The following SHTN1 variants were observed in gnomAD, a reference collection of about 807,000 sequenced individuals.
SHTN1 encodes the protein shootin 1, also known as shootin-1.
SHTN1 carries 42 observed loss-of-function variants against 83.1 expected under a neutral mutation model. That is an observed-to-expected ratio of 0.51 (90% CI 0.39 to 0.65). SHTN1 has a LOEUF of 0.65. Ranked by LOEUF, SHTN1 falls within the 30% of genes least tolerant of loss-of-function variation. SHTN1 has a pLI of 0.00. For synonymous variants in SHTN1, 224 were observed against 247.7 expected (o/e 0.90, Z 0.90); for missense variants, 622 against 737.8 (o/e 0.84, Z 1.82).
upstream of SHTN1, among the ~76,000 whole-genome samples, chr10:117,007,429 G>A (rs1010571369): frequency 6.6e-6 from 1 of 151,170 alleles, no homozygotes; most frequent in Non-Finnish European, 1.5e-5. Flanking sequence ...CAAACTTTTG[G>A]TTCCATACTA....
intron 10 of SHTN1, among the ~76,000 whole-genome samples, chr10:116,928,917 T>C (rs530360233): frequency 5.3e-5 from 8 of 152,344 alleles, no homozygotes; most frequent in African/African-American, 1.9e-4. Flanking sequence ...CATTCAGATT[T>C]GAACCTTATA....
intron 1 of SHTN1, among the ~76,000 whole-genome samples, chr10:117,082,262 C>T (rs1197570677): frequency 1.8e-5 from 2 of 113,052 alleles, no homozygotes; most frequent in East Asian, 5.2e-4. Context: ...TTTCAAAGAA[C>T]ATCTTTATTT....
In SHTN1 at chr10:116,972,679, G is replaced by C. The variant is rs1460340198; in HGVS notation, c.112-3967C>G. 3.3e-5 allele frequency among the ~76,000 whole-genome samples: 5 copies of C among 152,160 alleles called. No individual in the cohort carries two copies. The East Asian group carries it at 9.6e-4, about 29-fold the overall frequency. On this transcript the variant is annotated intron_variant, in intron 2 of 16. Coordinates refer to ENST00000355371, the MANE Select transcript of SHTN1 (RefSeq NM_001127211.3). ...GTAAAAACTGCTTCTTTTTGTGTGAGAATTGCTCATGAAGACTTTGCAATA... is the reference window on the plus strand; with the variant it reads ...GTAAAAACTGCTTCTTTTTGTGTGACAATTGCTCATGAAGACTTTGCAATA...
At chr10:116,923,367 T>C (rs1848631046) in intron 11 of SHTN1, among the ~76,000 whole-genome samples, 1 of 152,210 alleles carries the variant, frequency 6.6e-6, no homozygotes, top group African/African-American at 2.4e-5. Context: ...ATTTTTGAAT[T>C]CTTTCAACTG....
chr10:116,960,804 T>C (rs1850157605), intron 3 of SHTN1, among the ~76,000 whole-genome samples: 1 of 152,198 alleles, frequency 6.6e-6, no homozygotes, highest in Admixed American at 6.5e-5. Context: ...AGCAGTAAGA[T>C]TTATGTACTA....
intron 2 of SHTN1, among the ~76,000 whole-genome samples, chr10:117,018,568 ATT>A (rs36032476): frequency 1.9e-4 from 6 of 31,366 alleles, no homozygotes; most frequent in African/African-American, 2.1e-4. Flanking sequence ...TGCTCTCACC[ATT>A]TTTTTTTTTT....
At chr10:116,951,633 C>G (rs1420222031) in intron 6 of SHTN1, among the ~76,000 whole-genome samples, 1 of 152,210 alleles carries the variant, frequency 6.6e-6, no homozygotes, top group Non-Finnish European at 1.5e-5. Context: ...ACTATTCTTA[C>G]AAATTTGCCT....
intron 1 of SHTN1, among the ~76,000 whole-genome samples, chr10:116,990,287 CTTTT>C (rs11399364): frequency 1.7e-5 from 2 of 119,916 alleles, no homozygotes; most frequent in Non-Finnish European, 3.3e-5. Flanking sequence ...TTTTTTCTTT[CTTTT>C]TTTTTTTTTT....
chr10:116,984,385 A>G (rs1371432174), intron 1 of SHTN1, among the ~76,000 whole-genome samples: 1 of 152,192 alleles, frequency 6.6e-6, no homozygotes, highest in East Asian at 1.9e-4. Context: ...GACACAGAAC[A>G]TTTCCAACAG....
At chr10:117,115,011 T>G (rs1197135168) in intron 1 of SHTN1, among the ~76,000 whole-genome samples, 1 of 152,218 alleles carries the variant, frequency 6.6e-6, no homozygotes, top group African/African-American at 2.4e-5. Context: ...AAATTTGAAA[T>G]GAAGACGGTG....
chr10:117,046,945 T>C (rs1303161488), intron 2 of SHTN1, among the ~76,000 whole-genome samples: 2 of 152,026 alleles, frequency 1.3e-5, no homozygotes, highest in Non-Finnish European at 2.9e-5. Context: ...TACAACTTTG[T>C]AAATATATTA....
In SHTN1 at chr10:116,984,295, A is replaced by G. The variant is rs535038317; in HGVS notation, c.59-4987T>C. Among the ~76,000 whole-genome samples the G allele has an allele frequency of 3.3e-5, 5 of 152,298 alleles. No homozygotes were observed. The South Asian group carries it at 1.0e-3, about 32-fold the overall frequency. On this transcript the variant is annotated intron_variant, in intron 1 of 16. Transcript: ENST00000355371. ...TGATTGAAACTAAAGAAAATGTAAA[A>G]TTCAGTTCTTCAGTTGCATAAGTTA...
intron 2 of SHTN1, among the ~76,000 whole-genome samples, chr10:116,977,316 T>C (rs1364085277): frequency 1.3e-5 from 2 of 152,204 alleles, no homozygotes; most frequent in African/African-American, 4.8e-5. Context: ...TTCTCTTACC[T>C]TCTAGGTTAA....
chr10:116,915,250 G>C, intron 13 of SHTN1, 125 bp downstream of exon 13: 1 of 625,442 alleles, frequency 1.6e-6, no homozygotes, highest in Non-Finnish European at 2.9e-6. Context: ...AAAAGCTTTT[G>C]TGACACATTA....
At position 117,040,806 on chromosome 10, in the gene SHTN1, G is replaced by C. The variant is rs146676725; in HGVS notation, c.-123+7639C>G. Among the ~76,000 whole-genome samples, 233 of 151,554 alleles carry C rather than the reference G, an allele frequency of 1.5e-3. 1 individual carries two copies. Among genetic ancestry groups the C allele is most frequent in the African/African-American group, 5.4e-3 (222 of 41,374 alleles). ...ACAATGTTTAAAAAAATTTTTTTTT[G>C]GATTTTGTCACTTTTTTATTGAAAT... On this transcript the variant is annotated intron_variant, in intron 2 of 17. Transcript: ENST00000392901.
At position 116,881,960 on chromosome 10, in the gene SHTN1, G is replaced by A; in HGVS notation, c.*4384C>T. On this transcript the variant is annotated 3_prime_UTR_variant, in exon 17 of 17. Transcript: ENST00000355371. ...AGTAAAAGAGGCCAATATTTTTGTTGCCAACTCCACACTCAGTCAAACACC... is the reference window on the plus strand; with the variant it reads ...AGTAAAAGAGGCCAATATTTTTGTTACCAACTCCACACTCAGTCAAACACC... 3.8e-6 allele frequency: 1 copy of A among 263,774 alleles called. No homozygotes were observed. The highest frequency in any genetic ancestry group is 7.0e-5 in the East Asian group (1 of 14,244). 16.3% of individuals were successfully genotyped at this position (263,774 alleles called of 1,614,324 possible).
At chr10:117,094,168 C>T (rs1436265056) in intron 1 of SHTN1, among the ~76,000 whole-genome samples, 1 of 152,102 alleles carries the variant, frequency 6.6e-6, no homozygotes, top group Non-Finnish European at 1.5e-5. Flanking sequence ...AAATGTATTG[C>T]CCCAAAAAGA....
intron 11 of SHTN1, among the ~76,000 whole-genome samples, chr10:116,923,827 A>T (rs1848646315): frequency 6.6e-6 from 1 of 152,246 alleles, no homozygotes; most frequent in Admixed American, 6.5e-5. Flanking sequence ...CTGGGATTAC[A>T]GGCGTGAGCC....
intron 1 of SHTN1, among the ~76,000 whole-genome samples, chr10:117,057,695 A>G (rs1228730944): frequency 6.6e-6 from 1 of 152,204 alleles, no homozygotes; most frequent in African/African-American, 2.4e-5. Context: ...CATTAAGTTT[A>G]TACCTTAAGC....
Sources: allele counts gnomAD v4.1 joint callset (sites outside exome capture counted in the v4.1 genomes callset), GRCh38; gene constraint gnomAD v4.1.1; transcripts MANE v1.5; gene names NCBI Gene and HGNC (gene_info 2026-07-23, HGNC 2026-07-21).